GALNT16: variants seen among roughly 807,000 people sequenced by gnomAD.
GALNT16 encodes UDP-GalNAc:polypeptide N-acetylgalactosaminyltransferase-like protein 1.
Under a neutral mutation model 76.1 loss-of-function variants are expected in GALNT16, and 40 were observed. The observed-to-expected ratio is 0.53, with a 90% CI of 0.41 to 0.68. GALNT16 has a LOEUF of 0.68. GALNT16 is among the 30% of genes least tolerant of loss of function. The probability of loss-of-function intolerance (pLI) is 0.00; values close to 1 mark genes in which losing one functional copy is unlikely to be tolerated. For missense variants in GALNT16, 621 were observed against 731.9 expected, an observed-to-expected ratio of 0.85 and a Z score of 1.75; for synonymous variants, 276 against 285.2, an observed-to-expected ratio of 0.97 and a Z score of 0.32.
At chr14:69,267,046 C>G (rs1329751960) in intron 1 of GALNT16, among the ~76,000 whole-genome samples, 2 of 152,224 alleles carry the variant, frequency 1.3e-5, no homozygotes, top group Middle Eastern at 3.2e-3. Context: ...TATTCCACTT[C>G]TATTTTCCCA....
At chr14:69,260,953 C>T (rs1441018157) in intron 1 of GALNT16, among the ~76,000 whole-genome samples, 2 of 152,048 alleles carry the variant, frequency 1.3e-5, no homozygotes, top group Non-Finnish European at 2.9e-5. Context: ...GGAAGGCTCT[C>T]TAGGCGCTGC....
chr14:69,317,937 CG>C (rs1566877641), intron 1 of GALNT16, among the ~76,000 whole-genome samples: 1 of 152,220 alleles, frequency 6.6e-6, no homozygotes, highest in Non-Finnish European at 1.5e-5. Context: ...GGGTGGTGAC[CG>C]GGGCGAGGCC....
chr14:69,296,295 T>A (rs1283520152), intron 1 of GALNT16, among the ~76,000 whole-genome samples: 1 of 152,166 alleles, frequency 6.6e-6, no homozygotes, highest in African/African-American at 2.4e-5. Flanking sequence ...CATGGTCCAA[T>A]CACCTCCCTC....
the GALNT16 span, among the ~76,000 whole-genome samples, chr14:69,376,335 G>A: frequency 6.6e-6 from 1 of 152,094 alleles, no homozygotes; most frequent in African/African-American, 2.4e-5. Context: ...GGACTCTAGT[G>A]GTCAGATTAT....
intron 1 of GALNT16, among the ~76,000 whole-genome samples, chr14:69,287,814 G>C (rs1452951680): frequency 1.3e-5 from 2 of 152,136 alleles, no homozygotes; most frequent in African/African-American, 2.4e-5. Context: ...AAATGATGCA[G>C]CTGCCTCTGA....
chr14:69,284,833 T>A (rs187558035), intron 1 of GALNT16, among the ~76,000 whole-genome samples: 1 of 152,166 alleles, frequency 6.6e-6, no homozygotes, highest in African/African-American at 2.4e-5. Flanking sequence ...GTTCTCTTGA[T>A]AGCAAGTGAG....
chr14:69,364,061 G>A, the GALNT16 span, among the ~76,000 whole-genome samples: 1 of 152,170 alleles, frequency 6.6e-6, no homozygotes, highest in African/African-American at 2.4e-5. This position sits in a 1 kb window ranked among gnomAD's most constrained non-coding sequence, Gnocchi z 4.2. Flanking sequence ...ACTACATGAA[G>A]ACAAAGACTT....
At chr14:69,380,647 A>C in the GALNT16 span, 3 of 1,559,716 alleles carry the variant, frequency 1.9e-6, no homozygotes, top group Non-Finnish European at 2.6e-6. Flanking sequence ...GTAACTGAGG[A>C]GAGAAAGGGA....
intron 6 of GALNT16, 147 bp downstream of exon 6, chr14:69,328,718 A>C (rs1281189393): frequency 1.4e-6 from 1 of 716,022 alleles, no homozygotes; most frequent in South Asian, 2.0e-5. Context: ...ACTTCACCTT[A>C]TTGAGTTTTC....
At chr14:69,272,574 T>C (rs868787942) in intron 1 of GALNT16, among the ~76,000 whole-genome samples, 10 of 152,122 alleles carry the variant, frequency 6.6e-5, no homozygotes, top group South Asian at 4.1e-4. Flanking sequence ...TTTTAAAAAA[T>C]AAATTTAGTG....
At chr14:69,380,680 A>G in the GALNT16 span, 20 of 1,180,426 alleles carry the variant, frequency 1.7e-5, no homozygotes, top group East Asian at 4.5e-4. Flanking sequence ...ACAGTGGTCA[A>G]TCACTGCCAG....
chr14:69,350,036 A>AC (rs1259310601), intron 14 of GALNT16: 1 of 151,970 alleles, frequency 6.6e-6, no homozygotes, highest in African/African-American at 2.4e-5. Flanking sequence ...AAATGGTGAA[A>AC]CCCCGTCTCT....
At chr14:69,282,994 C>T (rs1474363568) in intron 1 of GALNT16, among the ~76,000 whole-genome samples, 1 of 152,132 alleles carries the variant, frequency 6.6e-6, no homozygotes, top group East Asian at 1.9e-4. Context: ...TTCTCTACTG[C>T]TCTCCATCCC....
At chr14:69,347,793 T>C in intron 13 of GALNT16, 84 bp from the exon 14 acceptor site, 2 of 1,414,312 alleles carry the variant, frequency 1.4e-6, no homozygotes, top group East Asian at 2.3e-5. Flanking sequence ...AAATATGCCG[T>C]GTTTTTGCTT....
chr14:69,352,386 G>A lies in GALNT16; in HGVS notation c.*218G>A. On this transcript the variant is annotated 3_prime_UTR_variant, in exon 15 of 15. Transcript: ENST00000448469. The stretch of plus-strand genomic sequence containing the variant: ...CAGTGCTGTCCTGGCCTTGCCCCGG[G>A]AGAGGAGATGGTCAGGGTGCTGGAC... 3.7e-6 allele frequency: 2 copies of A among 545,078 alleles called. No homozygotes were observed. Among genetic ancestry groups the A allele is most frequent in the Non-Finnish European group, 3.2e-6 (1 of 309,374 alleles). The allele number at this position is 545,078 out of a possible 1,614,324, so 33.8% of individuals were successfully genotyped here. A position where few individuals can be genotyped will look rare whatever the true frequency, so the allele number is the denominator to read the frequency against.
At chr14:69,298,395 A>T (rs564147818) in intron 1 of GALNT16, 1 of 152,514 alleles carries the variant, frequency 6.6e-6, no homozygotes, top group East Asian at 1.9e-4. Context: ...AGTGGCCTAT[A>T]TCACAAGAAG....
intron 1 of GALNT16, among the ~76,000 whole-genome samples, chr14:69,312,938 T>G (rs1287582686): frequency 6.6e-6 from 1 of 152,202 alleles, no homozygotes; most frequent in African/African-American, 2.4e-5. Context: ...AGAGAAAGCT[T>G]TGTGCTTAGG....
rs938519650 is a variant in GALNT16, at chr14:69,331,564, C to T, written c.778+13C>T. On this transcript the variant is annotated intron_variant, in intron 7 of 14. Coordinates refer to ENST00000448469, the MANE Select transcript of GALNT16 (RefSeq NM_001168368.2). ...GACCTTCGTGGAGGTGAGTTCTGCTCCCGGGGGTGGGGCTGTAGACATGAA... is the reference window on the plus strand; with the variant it reads ...GACCTTCGTGGAGGTGAGTTCTGCTTCCGGGGGTGGGGCTGTAGACATGAA... 2 of 1,512,954 alleles carry T rather than the reference C, an allele frequency of 1.3e-6. No homozygotes were observed. The highest frequency in any genetic ancestry group is 2.7e-5 in the African/African-American group (2 of 72,898). 93.7% of individuals were successfully genotyped at this position (1,512,954 alleles called of 1,614,324 possible).
In GALNT16 at chr14:69,307,124, C is replaced by A. The variant is rs567044815; in HGVS notation, c.178-13587C>A. On this transcript the variant is annotated intron_variant, in intron 1 of 14. Coordinates refer to ENST00000448469, the MANE Select transcript of GALNT16 (RefSeq NM_001168368.2). ...TCCTGGGGCTCCTCTGTTCTAGAAT[C>A]CTTTGTATTTTTATCTCCTGTCCAA... 6.6e-5 allele frequency among the ~76,000 whole-genome samples: 10 copies of A among 152,246 alleles called. No individual in the cohort carries two copies. The South Asian group carries it at 1.9e-3, about 28-fold the overall frequency.
Sources: gnomAD v4.1 joint callset for allele counts (sites outside exome capture counted in the v4.1 genomes callset) on GRCh38, gnomAD v4.1.1 for gene constraint, Gnocchi (gnomAD v3.1) non-coding constraint, MANE v1.5 for transcripts, NCBI Gene and HGNC (gene_info 2026-07-23, HGNC 2026-07-21) for gene names.